The following OSTF1 variants were observed in gnomAD, a reference collection of about 807,000 sequenced individuals.
The protein encoded by OSTF1 is osteoclast stimulating factor 1.
Under a neutral mutation model 37.2 loss-of-function variants are expected in OSTF1, and 27 were observed. The ratio of observed to expected loss-of-function variants is 0.73; its 90% CI spans 0.54 to 1.00. The LOEUF (loss-of-function observed/expected upper bound fraction) is 1.00. Ranked by LOEUF, OSTF1 falls within the 50% of genes least tolerant of loss-of-function variation. The pLI, the probability that OSTF1 is intolerant of heterozygous loss-of-function variation, is 0.00. For missense variants in OSTF1, 232 were observed against 253.8 expected, an observed-to-expected ratio of 0.91 and a Z score of 0.58; for synonymous variants, 82 against 89.2, an observed-to-expected ratio of 0.92 and a Z score of 0.46.
chr9:75,123,091 G>A (rs1192188829), intron 2 of OSTF1, among the ~76,000 whole-genome samples: 2 of 152,198 alleles, frequency 1.3e-5, no homozygotes, highest in Admixed American at 1.3e-4. Context: ...ATACCTTGCT[G>A]TTCTTCAAGG....
intron 1 of OSTF1, among the ~76,000 whole-genome samples, chr9:75,097,754 T>C (rs1221004904): frequency 1.6e-5 from 2 of 123,878 alleles, no homozygotes; most frequent in African/African-American, 5.7e-5. Flanking sequence ...TGCCGTCCCC[T>C]CTTTTTTTTT....
At position 75,146,886 on chromosome 9, in the gene OSTF1, A is replaced by G. The variant is rs1826034621; in HGVS notation, c.*145A>G. ...CACTGTGTTTGAGTAGAACGTGTAA[A>G]TGAATTGTTCCCACCTTTGGTTTGC... is the stretch of plus-strand genomic sequence containing the variant. On this transcript the variant is annotated 3_prime_UTR_variant, in exon 10 of 10. Coordinates refer to ENST00000346234, the MANE Select transcript of OSTF1 (RefSeq NM_012383.5). 2 of 555,596 alleles carry G rather than the reference A, an allele frequency of 3.6e-6. No homozygotes were observed. The highest frequency in any genetic ancestry group is 3.3e-5 in the East Asian group (1 of 30,030). The allele number at this position is 555,596 out of a possible 1,614,324, so 34.4% of individuals were successfully genotyped here.
intron 1 of OSTF1, among the ~76,000 whole-genome samples, chr9:75,089,498 A>C (rs1277167631): frequency 6.6e-6 from 1 of 152,180 alleles, no homozygotes; most frequent in East Asian, 1.9e-4. Flanking sequence ...GATATGCAGA[A>C]ATAAGATAAT....
At chr9:75,122,320 C>T (rs1203231188) in intron 2 of OSTF1, among the ~76,000 whole-genome samples, 1 of 152,140 alleles carries the variant, frequency 6.6e-6, no homozygotes, top group African/African-American at 2.4e-5. Flanking sequence ...GGAGCCCAGC[C>T]CTGCCACTCA....
intron 8 of OSTF1, among the ~76,000 whole-genome samples, chr9:75,139,777 A>G (rs1330981922): frequency 1.3e-5 from 2 of 152,250 alleles, no homozygotes; most frequent in Admixed American, 1.3e-4. Flanking sequence ...GAGGTATTAC[A>G]ACTGATACCA....
intron 9 of OSTF1, among the ~76,000 whole-genome samples, chr9:75,141,576 T>A (rs778435397): frequency 3.3e-5 from 5 of 152,154 alleles, no homozygotes; most frequent in Non-Finnish European, 7.4e-5. Flanking sequence ...TTATGAGTGA[T>A]TACCACTAAA....
chr9:75,141,312 CAAAAAAAAAA>C (rs529293090), intron 9 of OSTF1, among the ~76,000 whole-genome samples: 11 of 71,682 alleles, frequency 1.5e-4, no homozygotes, highest in African/African-American at 5.6e-4. Flanking sequence ...AAAAGAAAAC[CAAAAAAAAAA>C]AAAAAAAAAA....
intron 1 of OSTF1, among the ~76,000 whole-genome samples, chr9:75,093,665 C>G (rs568397042): frequency 9.9e-5 from 15 of 152,248 alleles, no homozygotes; most frequent in African/African-American, 3.6e-4. Context: ...TAAAAGACAT[C>G]ACACGCATGC....
chr9:75,093,024 CTCTTTCTT>C (rs921277632), intron 1 of OSTF1, among the ~76,000 whole-genome samples: 2 of 149,002 alleles, frequency 1.3e-5, no homozygotes, highest in Admixed American at 1.4e-4. Context: ...TTATGATACC[CTCTTTCTT>C]TCTTTCTTTC....
intron 7 of OSTF1, among the ~76,000 whole-genome samples, chr9:75,136,731 T>G (rs537555873): frequency 6.6e-6 from 1 of 152,272 alleles, no homozygotes; most frequent in East Asian, 1.9e-4. Flanking sequence ...AAGCTGTGTG[T>G]GCTTGGTGAG....
intron 1 of OSTF1, among the ~76,000 whole-genome samples, chr9:75,107,025 G>A (rs780806129): frequency 1.3e-5 from 2 of 150,108 alleles, no homozygotes; most frequent in East Asian, 2.0e-4. Context: ...GTGGAATGAC[G>A]CCAATAGAGA....
intron 1 of OSTF1, among the ~76,000 whole-genome samples, chr9:75,090,387 G>A (rs77575599): frequency 0.049 from 7,372 of 151,986 alleles, 242 homozygotes; most frequent in East Asian, 0.096. Context: ...GGGTCATCCT[G>A]TTACTAATTG....
intron 1 of OSTF1, among the ~76,000 whole-genome samples, chr9:75,114,900 T>A (rs1430658137): frequency 6.6e-6 from 1 of 152,242 alleles, no homozygotes; most frequent in Non-Finnish European, 1.5e-5. Flanking sequence ...TTCTTCATGC[T>A]TCATTCATTC....
intron 1 of OSTF1, among the ~76,000 whole-genome samples, chr9:75,107,481 G>A (rs1825309094): frequency 1.3e-5 from 2 of 151,988 alleles, no homozygotes; most frequent in African/African-American, 4.8e-5. Flanking sequence ...CTTTCATTTT[G>A]AGAGCTCTAA....
At chr9:75,105,081 T>C (rs1825260592) in intron 1 of OSTF1, among the ~76,000 whole-genome samples, 2 of 152,200 alleles carry the variant, frequency 1.3e-5, no homozygotes, top group African/African-American at 4.8e-5. Context: ...TAGTTTTGGA[T>C]TAAAGATTTT....
At chr9:75,096,867 C>T (rs910450666) in intron 1 of OSTF1, among the ~76,000 whole-genome samples, 2 of 152,130 alleles carry the variant, frequency 1.3e-5, no homozygotes, top group East Asian at 1.9e-4. Flanking sequence ...TGGAGGATCT[C>T]GGAGTCTCAT....
intron 1 of OSTF1, among the ~76,000 whole-genome samples, chr9:75,113,434 AT>A (rs1363466929): frequency 6.7e-6 from 1 of 149,684 alleles, no homozygotes; most frequent in Non-Finnish European, 1.5e-5. Flanking sequence ...TGTCTGCAAT[AT>A]TCTTTTTTTT....
At chr9:75,141,223 CCTGGGAGGTTGAGGCTGCAGTGAG>C (rs1825937500) in intron 9 of OSTF1, among the ~76,000 whole-genome samples, 1 of 149,408 alleles carries the variant, frequency 6.7e-6, no homozygotes, top group East Asian at 2.0e-4. Flanking sequence ...TCACTTGAGC[CCTGGGAGGTTGAGGCTGCAGTGAG>C]CTGTGATCGC....
intron 1 of OSTF1, among the ~76,000 whole-genome samples, chr9:75,100,624 G>A (rs944138217): frequency 1.3e-4 from 19 of 151,836 alleles, no homozygotes; most frequent in Admixed American, 9.2e-4. Flanking sequence ...CCAGCTACTC[G>A]GGAGGCTAAG....
Sources: gnomAD v4.1 joint callset for allele counts (sites outside exome capture counted in the v4.1 genomes callset) on GRCh38, gnomAD v4.1.1 for gene constraint, MANE v1.5 for transcripts, NCBI Gene and HGNC (gene_info 2026-07-23, HGNC 2026-07-21) for gene names.